The following EPB41 variants were observed in gnomAD, a reference collection of about 807,000 sequenced individuals.
EPB41 encodes protein 4.1.
Under a neutral mutation model 108.0 loss-of-function variants are expected in EPB41, and 65 were observed. The observed-to-expected ratio is 0.60, with a 90% CI of 0.49 to 0.74. EPB41 has a LOEUF of 0.74. EPB41 is among the 30% of genes least tolerant of loss of function. The pLI is 0.00. For missense variants in EPB41, 875 were observed against 1,037.0 expected, an observed-to-expected ratio of 0.84 and a Z score of 2.15; for synonymous variants, 336 against 358.9, an observed-to-expected ratio of 0.94 and a Z score of 0.72.
Position 29,039,341 on chromosome 1 carries a change from C to G in EPB41, c.1551C>G (p.Thr517=). 6.2e-7 allele frequency: 1 copy of G among 1,614,142 alleles called. No individual in the cohort carries two copies. The highest frequency in any genetic ancestry group is 1.1e-5 in the South Asian group (1 of 91,076). The change falls in exon 11 of 21, where the codon ACC becomes ACG. Residue 517 remains threonine, a synonymous_variant. Coordinates refer to ENST00000343067, the MANE Select transcript of EPB41 (RefSeq NM_001376013.1). ...ACAGTGGCCGGACTCAAGCTCAGACCAGGCAAGCTAGTGCTCTAATTGACA... is the reference window on the plus strand; with the variant it reads ...ACAGTGGCCGGACTCAAGCTCAGACGAGGCAAGCTAGTGCTCTAATTGACA... ...FRYSGRTQAQ[T]RQASALIDRP...
At chr1:29,007,536 C>T (rs548621419) in intron 4 of EPB41, among the ~76,000 whole-genome samples, 6 of 152,324 alleles carry the variant, frequency 3.9e-5, no homozygotes, top group African/African-American at 1.4e-4. Flanking sequence ...GCCATGTCCT[C>T]ATCTGCACTT....
intron 18 of EPB41, 90 bp from the exon 19 acceptor site, chr1:29,112,278 A>T: frequency 9.3e-7 from 1 of 1,070,368 alleles, no homozygotes; most frequent in Non-Finnish European, 1.4e-6. Context: ...TGAGATTACA[A>T]GTGTGAACCA....
chr1:28,902,938 C>A (rs1363292004), intron 1 of EPB41, among the ~76,000 whole-genome samples: 2 of 152,100 alleles, frequency 1.3e-5, no homozygotes, highest in African/African-American at 4.8e-5. Flanking sequence ...GTGTCTTGAG[C>A]AAGGAGTTGG....
intron 17 of EPB41, among the ~76,000 whole-genome samples, chr1:29,106,108 T>C (rs183283601): frequency 5.1e-4 from 78 of 152,272 alleles, no homozygotes; most frequent in South Asian, 2.3e-3. Flanking sequence ...GTCAAATTGC[T>C]GGGTCATAGG....
chr1:29,101,645 G>T (rs543881726), intron 17 of EPB41, among the ~76,000 whole-genome samples: 1 of 152,282 alleles, frequency 6.6e-6, no homozygotes, highest in African/African-American at 2.4e-5. Context: ...TCCAGCCTGG[G>T]TGAAAGAGCG....
intron 17 of EPB41, among the ~76,000 whole-genome samples, chr1:29,104,926 T>C (rs1666646385): frequency 1.3e-5 from 2 of 151,816 alleles, no homozygotes; most frequent in South Asian, 4.2e-4. Flanking sequence ...ACTCACTTTG[T>C]TGCTAAGGCT....
intron 1 of EPB41, among the ~76,000 whole-genome samples, chr1:28,937,646 G>A (rs894897548): frequency 6.6e-6 from 1 of 152,158 alleles, no homozygotes; most frequent in Admixed American, 6.5e-5. Flanking sequence ...GCCCGCCTTG[G>A]CCTCCCAAAG....
chr1:28,939,967 T>C (rs1160910493), intron 1 of EPB41, among the ~76,000 whole-genome samples: 1 of 152,226 alleles, frequency 6.6e-6, no homozygotes, highest in Non-Finnish European at 1.5e-5. Context: ...CAATTTCATG[T>C]GGCGTAAGTT....
intron 18 of EPB41, 66 bp downstream of exon 18, chr1:29,109,503 G>A: frequency 7.6e-7 from 1 of 1,318,022 alleles, no homozygotes; most frequent in Non-Finnish European, 1.1e-6. Context: ...CCACCTCTCT[G>A]CAAGAAGGAC....
chr1:28,896,900 A>AGAGGG (rs2090730357), intron 1 of EPB41, among the ~76,000 whole-genome samples: 1 of 152,126 alleles, frequency 6.6e-6, no homozygotes, highest in African/African-American at 2.4e-5. Context: ...AGAGGAGAGG[A>AGAGGG]GAGGGCCAGA....
At chr1:29,047,007 A>G (rs956608831) in intron 11 of EPB41, among the ~76,000 whole-genome samples, 1 of 152,150 alleles carries the variant, frequency 6.6e-6, no homozygotes, top group Non-Finnish European at 1.5e-5. Context: ...TGCTGGTCTC[A>G]TAAAATAAAT....
At chr1:29,092,284 A>T (rs1467234687) in intron 16 of EPB41, among the ~76,000 whole-genome samples, 1 of 151,782 alleles carries the variant, frequency 6.6e-6, no homozygotes, top group African/African-American at 2.4e-5. Context: ...TTTAGTAGAG[A>T]TGGGGTTTCT....
chr1:28,970,305 G>A (rs2095465383), intron 1 of EPB41, among the ~76,000 whole-genome samples: 1 of 152,066 alleles, frequency 6.6e-6, no homozygotes, highest in Admixed American at 6.6e-5. Context: ...ATATTTGATA[G>A]TTAATTTACT....
Position 29,040,572 on chromosome 1 carries a change from T to C in EPB41, c.1636+1146T>C, listed in dbSNP as rs539349965. ...CTGAGATTATGGGTGTGATCCACCA[T>C]GCCCAGCCATACAAGAATAATTTAA... On this transcript the variant is annotated intron_variant, in intron 11 of 20. Transcript: ENST00000343067. Among the ~76,000 whole-genome samples, 9 of 152,070 alleles carry C rather than the reference T, an allele frequency of 5.9e-5. No homozygotes were observed. In the South Asian group the frequency reaches 1.7e-3, roughly 28 times the overall value.
chr1:29,063,636 C>T (rs886261830), intron 15 of EPB41, among the ~76,000 whole-genome samples: 1 of 152,130 alleles, frequency 6.6e-6, no homozygotes, highest in Admixed American at 6.5e-5. Flanking sequence ...ACAGCTGTTT[C>T]CTACAGAGCC....
intron 16 of EPB41, among the ~76,000 whole-genome samples, chr1:29,093,536 C>G (rs1301605894): frequency 6.6e-6 from 1 of 152,174 alleles, no homozygotes; most frequent in Non-Finnish European, 1.5e-5. Flanking sequence ...TGCAGAAGCT[C>G]TTAAGTTTAA....
intron 9 of EPB41, among the ~76,000 whole-genome samples, chr1:29,034,980 T>G (rs2150351656): frequency 9.3e-6 from 1 of 107,546 alleles, no homozygotes; most frequent in Admixed American, 8.6e-5. Context: ...GTTGTTTTTT[T>G]TTTTTTTTTT....
At chr1:29,001,746 T>C (rs889357772) in intron 4 of EPB41, among the ~76,000 whole-genome samples, 3 of 152,228 alleles carry the variant, frequency 2.0e-5, no homozygotes, top group Non-Finnish European at 4.4e-5. Context: ...TTTGTATGAC[T>C]TTTGTTCGTC....
At chr1:29,005,696 G>T (rs2096388380) in intron 4 of EPB41, among the ~76,000 whole-genome samples, 1 of 152,136 alleles carries the variant, frequency 6.6e-6, no homozygotes, top group Non-Finnish European at 1.5e-5. Context: ...GATAATAACA[G>T]ATATGAATTA....
Sources: allele counts gnomAD v4.1 joint callset (sites outside exome capture counted in the v4.1 genomes callset), GRCh38; gene constraint gnomAD v4.1.1; transcripts MANE v1.5; gene names NCBI Gene and HGNC (gene_info 2026-07-23, HGNC 2026-07-21).